The following HOMER3 variants were observed in gnomAD, a reference collection of about 807,000 sequenced individuals.
HOMER3 encodes homer scaffold protein 3, also known as homer protein homolog 3.
Under a neutral mutation model 45.5 loss-of-function variants are expected in HOMER3, and 34 were observed. That is an observed-to-expected ratio of 0.75 (90% CI 0.57 to 1.00). The LOEUF is 1.00. HOMER3 is among the 50% of genes least tolerant of loss of function. HOMER3 has a pLI of 0.00. For missense variants in HOMER3, 480 were observed against 497.5 expected (o/e 0.96, Z 0.33); for synonymous variants, 223 against 208.8 (o/e 1.07, Z -0.58).
chr19:18,931,462 C>T (rs2057031401), intron 8 of HOMER3, 47 bp downstream of exon 8: 1 of 1,612,388 alleles, frequency 6.2e-7, no homozygotes, highest in South Asian at 1.1e-5. Context: ...GGCTTTCCCA[C>T]AGGAGGTGAG....
chr19:18,939,148 G>C (rs1015639701), intron 1 of HOMER3, 99 bp from the exon 2 acceptor site: 3 of 653,674 alleles, frequency 4.6e-6, no homozygotes, highest in East Asian at 5.6e-5. Context: ...GCCCGTCATG[G>C]AACTTTCAAT....
chr19:18,935,151 TTG>T (rs2057078707), intron 4 of HOMER3, among the ~76,000 whole-genome samples: 1 of 131,580 alleles, frequency 7.6e-6, no homozygotes, highest in Admixed American at 8.4e-5. Flanking sequence ...TTTTTTTTTT[TTG>T]GGGGGGGACA....
At chr19:18,931,695 A>C in intron 7 of HOMER3, 70 bp from the exon 8 acceptor site, 1 of 1,522,948 alleles carries the variant, frequency 6.6e-7, no homozygotes, top group East Asian at 2.3e-5. Context: ...ACCTCTAGGG[A>C]ATCTGCCTCC....
intron 9 of HOMER3, among the ~76,000 whole-genome samples, chr19:18,930,206 C>T (rs1393749748): frequency 8.2e-5 from 12 of 146,298 alleles, no homozygotes; most frequent in Admixed American, 4.2e-4. Flanking sequence ...GCCGAGATCG[C>T]GCCACTGCAC....
At chr19:18,931,131 G>T in intron 9 of HOMER3, 194 bp downstream of exon 9, 1 of 560,838 alleles carries the variant, frequency 1.8e-6, no homozygotes, top group Non-Finnish European at 3.2e-6. Context: ...AGGAACTCAA[G>T]CATTGCTTGT....
chr19:18,934,426 G>A lies in HOMER3; in HGVS notation c.304-16C>T, dbSNP rs760769952. ...TCTCGGCAAACTAAGGGAGTGGGGA[G>A]GAAAAGACAGTAAAACCCCAGCCCA... On this transcript the variant is annotated splice_polypyrimidine_tract_variant and intron_variant, in intron 4 of 9. Transcript: ENST00000392351. The A allele has an allele frequency of 5.9e-6, 9 of 1,519,278 alleles. No individual in the cohort carries two copies. In the Admixed American group the frequency reaches 1.4e-4, roughly 24 times the overall value. The allele number at this position is 1,519,278 out of a possible 1,614,324, so 94.1% of individuals were successfully genotyped here.
rs953212838 is a variant in HOMER3 at position 18,931,757 on chromosome 19, A to T, written c.691-132T>A. ...CCCATCTCCCTTGGTTGGTGCCACC[A>T]CCCCCCTCTGCACAGCTTGGACTTT... is the stretch of plus-strand genomic sequence containing the variant. On this transcript the variant is annotated intron_variant, in intron 7 of 9. Transcript: ENST00000392351. 2.0e-6 allele frequency: 3 copies of T among 1,478,490 alleles called. No individual in the cohort carries two copies. The African/African-American group carries it at 4.3e-5, about 21-fold the overall frequency. The allele number at this position is 1,478,490 out of a possible 1,614,324, so 91.6% of individuals were successfully genotyped here.
intron 4 of HOMER3, among the ~76,000 whole-genome samples, chr19:18,935,872 T>TAAA (rs2057087020): frequency 2.7e-5 from 4 of 149,000 alleles, no homozygotes; most frequent in Non-Finnish European, 4.5e-5. Flanking sequence ...ACACAAAAAT[T>TAAA]AGCCAGGCAT....
chr19:18,937,308 T>TTAAA (rs1555715512), intron 4 of HOMER3, among the ~76,000 whole-genome samples: 35 of 82,324 alleles, frequency 4.3e-4, no homozygotes, highest in Non-Finnish European at 7.2e-4. Context: ...AAGATCTTGT[T>TTAAA]AAAAAAAAAA....
intron 1 of HOMER3, 74 bp from the exon 2 acceptor site, chr19:18,939,123 C>G: frequency 1.3e-6 from 1 of 791,998 alleles, no homozygotes; most frequent in South Asian, 1.9e-5. Context: ...CATCTCAGGA[C>G]CCATCACCAG....
intron 3 of HOMER3, 47 bp from the exon 4 acceptor site, chr19:18,938,531 A>G: frequency 6.3e-7 from 1 of 1,591,804 alleles, no homozygotes; most frequent in Non-Finnish European, 8.6e-7. Context: ...AGATACTAAC[A>G]AACATGAAAC....
At position 18,931,582 on chromosome 19, in the gene HOMER3, G is replaced by C. The variant is rs1215556675; in HGVS notation, c.734C>G (p.Thr245Ser). 6.2e-7 allele frequency: 1 copy of C among 1,613,104 alleles called. No individual in the cohort carries two copies. The highest frequency in any genetic ancestry group is 1.7e-5 in the Admixed American group (1 of 60,000). The change falls in exon 8 of 10, where the codon ACC becomes AGC. Residue 245 changes from threonine to serine, a missense_variant. Physicochemically the swap from Thr to Ser is moderately conservative, Grantham distance 58 (BLOSUM62 1). Coordinates refer to ENST00000392351, the MANE Select transcript of HOMER3 (RefSeq NM_004838.4). ...CTGGCCCAGCCCCTCCTTCTCACCG[G>C]TGGGGGTCACCTCTGAAGCTGCCTG... ...EAQAASEVTP[T>S]GEKEGLGQGQ...
At chr19:18,930,441 G>A (rs1017594100) in intron 9 of HOMER3, among the ~76,000 whole-genome samples, 4 of 150,050 alleles carry the variant, frequency 2.7e-5, no homozygotes, top group Admixed American at 6.6e-5. Context: ...CCAGCTACTC[G>A]GGAGGCTGAG....
rs944369937 is a variant in HOMER3 at position 18,934,319 on chromosome 19, C to T, written c.395G>A (p.Gly132Glu). 6.5e-7 allele frequency: 1 copy of T among 1,544,306 alleles called. No individual in the cohort carries two copies. Among genetic ancestry groups the T allele is most frequent in the African/African-American group, 1.4e-5 (1 of 71,726 alleles). The change falls in exon 5 of 10, where the codon GGG becomes GAG. Residue 132 changes from glycine (G) to glutamate (E), a missense_variant. Coordinates refer to ENST00000392351, the MANE Select transcript of HOMER3 (RefSeq NM_004838.4). ...DGGELTSPAL[G>E]LASHQVPPSP... ...AGTGCTGACCTGGTGGGAGGCGAGC[C>T]CCAGGGCTGGACTGGTGAGCTCCCC...
chr19:18,931,409 C>A lies in HOMER3; in HGVS notation c.810G>T (p.Glu270Asp). The A allele has an allele frequency of 6.2e-6, 10 of 1,614,140 alleles. No homozygotes were observed. Among genetic ancestry groups the A allele is most frequent in the Non-Finnish European group, 7.6e-6 (9 of 1,179,970 alleles). Residue 270 changes from glutamate (E) to aspartate (D), a missense_variant and splice_region_variant, in exon 9 of 10, where the codon GAG becomes GAT. Physicochemically the swap from Glu to Asp is conservative, Grantham distance 45. Transcript: ENST00000392351. ...CAGTCTGACTCTTCAGGGTCTGAAT[C>A]TCCTAGAGGAGAAGAGTTCCCAGGG... ...LEALVQTKDQ[E>D]IQTLKSQTGG...
Position 18,938,959 on chromosome 19 carries a change from G to A in HOMER3, c.14+10C>T, listed in dbSNP as rs1388738598. The A allele has an allele frequency of 1.2e-6, 2 of 1,603,934 alleles. No homozygotes were observed. Among genetic ancestry groups the A allele is most frequent in the South Asian group, 1.1e-5 (1 of 89,208 alleles). ...AGCTCAGGGCCAGGCTGGGGGAGGT[G>A]GGAGCTCACCTGGCTGTGGACATTG... is the stretch of plus-strand genomic sequence containing the variant. On this transcript the variant is annotated intron_variant, in intron 2 of 9. Coordinates refer to ENST00000392351, the MANE Select transcript of HOMER3 (RefSeq NM_004838.4).
chr19:18,938,273 C>T, intron 4 of HOMER3, 80 bp downstream of exon 4: 2 of 1,487,142 alleles, frequency 1.3e-6, no homozygotes, highest in South Asian at 1.3e-5. Flanking sequence ...GGGACCTGCC[C>T]AAGATCCCAG....
chr19:18,935,747 C>G (rs145751292), intron 4 of HOMER3, among the ~76,000 whole-genome samples: 1 of 152,080 alleles, frequency 6.6e-6, no homozygotes, highest in African/African-American at 2.4e-5. Flanking sequence ...AGGCCGGGTG[C>G]GGTGGCTCAC....
chr19:18,938,984 G>T lies in HOMER3; in HGVS notation c.-2C>A. On this transcript the variant is annotated 5_prime_UTR_variant, in exon 2 of 10. Transcript: ENST00000392351. ...GGGAGCTCACCTGGCTGTGGACATT[G>T]GTCAGGCTGGGATGGGCAGGCTCTA... 6.3e-7 allele frequency: 1 copy of T among 1,588,118 alleles called. No individual in the cohort carries two copies. The highest frequency in any genetic ancestry group is 8.6e-7 in the Non-Finnish European group (1 of 1,167,322).
Sources: gnomAD v4.1 joint callset for allele counts (sites outside exome capture counted in the v4.1 genomes callset) on GRCh38, gnomAD v4.1.1 for gene constraint, MANE v1.5 for transcripts, NCBI Gene and HGNC (gene_info 2026-07-23, HGNC 2026-07-21) for gene names.